Variants in RIMS2 observed in about 807,000 individuals in gnomAD.
RIMS2 encodes regulating synaptic membrane exocytosis protein 2.
Under a neutral mutation model 174.4 loss-of-function variants are expected in RIMS2, and 59 were observed. The observed-to-expected ratio is 0.34, with a 90% CI of 0.27 to 0.42. The LOEUF is 0.42. RIMS2 is among the 10% of genes least tolerant of loss of function. The pLI is 1.00. For missense variants in RIMS2, 1,620 were observed against 1,666.3 expected (o/e 0.97, Z 0.48); for synonymous variants, 606 against 572.5 (o/e 1.06, Z -0.84).
Position 104,166,127 on chromosome 8 carries a change from C to A in RIMS2, c.3335-78789C>A, listed in dbSNP as rs888843681. Among the ~76,000 whole-genome samples, 5 of 137,744 alleles carry A rather than the reference C, an allele frequency of 3.6e-5. No homozygotes were observed. In the South Asian group the frequency reaches 9.3e-4, roughly 26 times the overall value. 90.4% of individuals were successfully genotyped at this position (137,744 alleles called of 152,430 possible). ...TGTCGCCCAGGCTGGAGTGCAGTGG[C>A]GTGATCTCGGCTCACTGCAAGCTCC... is the stretch of plus-strand genomic sequence containing the variant. On this transcript the variant is annotated intron_variant, in intron 19 of 23. Transcript: ENST00000504942.
intron 1 of RIMS2, chr8:103,568,825 ATTC>A: frequency 8.8e-7 from 1 of 1,140,012 alleles, no homozygotes; most frequent in Admixed American, 1.7e-5. Flanking sequence ...AGCTGAGCAT[ATTC>A]TTCTGTAGGG....
At chr8:103,636,568 T>G (rs2096078259) in intron 1 of RIMS2, among the ~76,000 whole-genome samples, 1 of 152,114 alleles carries the variant, frequency 6.6e-6, no homozygotes, top group African/African-American at 2.4e-5. Flanking sequence ...GGGTCTGTGT[T>G]GCTCCCAGGT....
intron 17 of RIMS2, among the ~76,000 whole-genome samples, chr8:103,997,125 C>G (rs2095151903): frequency 6.6e-6 from 1 of 151,706 alleles, no homozygotes; most frequent in Non-Finnish European, 1.5e-5. Context: ...TGAAAGCAAA[C>G]TCTAGCAGAG....
intron 3 of RIMS2, among the ~76,000 whole-genome samples, chr8:103,865,146 A>G (rs1417033092): frequency 1.3e-5 from 2 of 151,778 alleles, no homozygotes; most frequent in African/African-American, 4.8e-5. Flanking sequence ...TTGTATTATA[A>G]TTTTATTTAT....
rs190069473 is a variant in RIMS2 at position 104,155,791 on chromosome 8, G to A, written c.3335-89125G>A. Among the ~76,000 whole-genome samples, 2 of 152,220 alleles carry A rather than the reference G, an allele frequency of 1.3e-5. 1 individual carries two copies. Among genetic ancestry groups the A allele is most frequent in the Admixed American group, 1.3e-4 (2 of 15,290 alleles). On this transcript the variant is annotated intron_variant, in intron 19 of 23. Transcript: ENST00000504942. Reference sequence around the variant, plus strand: ...AAAAGATTCTTGCGATGAAACTGTGGTTTGAAGATGATACCAAGTTTGCAA... The same window carrying A: ...AAAAGATTCTTGCGATGAAACTGTGATTTGAAGATGATACCAAGTTTGCAA...
At position 103,550,105 on chromosome 8, in the gene RIMS2, C is replaced by T. The variant is rs549639806; in HGVS notation, c.176+49043C>T. 1.6e-3 allele frequency among the ~76,000 whole-genome samples: 238 copies of T among 152,276 alleles called. 2 individuals carry two copies. The highest frequency in any genetic ancestry group is 5.2e-3 in the African/African-American group (216 of 41,568). On this transcript the variant is annotated intron_variant, in intron 1 of 23. Coordinates refer to ENST00000504942, the Ensembl canonical transcript of RIMS2. ...TGAACTCAGCTCTGCACCAAGCAGA[C>T]CTAATAGACATCTACAGCACTCTCC...
intron 2 of RIMS2, among the ~76,000 whole-genome samples, chr8:103,714,997 G>A (rs2097351437): frequency 6.6e-6 from 1 of 152,054 alleles, no homozygotes. Context: ...AGTTACCACT[G>A]GAGTTTCCAG....
At chr8:104,101,733 C>T (rs1338470030) in intron 19 of RIMS2, among the ~76,000 whole-genome samples, 1 of 152,078 alleles carries the variant, frequency 6.6e-6, no homozygotes, top group Non-Finnish European at 1.5e-5. Context: ...TTTTCTACTT[C>T]TATTTTATTA....
intron 17 of RIMS2, among the ~76,000 whole-genome samples, chr8:103,991,693 A>G (rs1350942045): frequency 6.6e-6 from 1 of 152,180 alleles, no homozygotes; most frequent in Non-Finnish European, 1.5e-5. Flanking sequence ...TGTCAGTAAG[A>G]ATTGATGCAC....
chr8:104,044,381 A>G (rs549619955), intron 19 of RIMS2, among the ~76,000 whole-genome samples: 3 of 151,726 alleles, frequency 2.0e-5, no homozygotes, highest in Admixed American at 6.6e-5. Context: ...ATTTAAGCTT[A>G]GAGGGGGAAG....
At chr8:103,676,706 G>A (rs1435795528) in intron 1 of RIMS2, among the ~76,000 whole-genome samples, 1 of 152,066 alleles carries the variant, frequency 6.6e-6, no homozygotes, top group Non-Finnish European at 1.5e-5. Context: ...TCCTTGGCTG[G>A]GCATGGTGGC....
At chr8:104,038,543 A>G (rs2096556758) in intron 19 of RIMS2, among the ~76,000 whole-genome samples, 1 of 151,948 alleles carries the variant, frequency 6.6e-6, no homozygotes, top group Non-Finnish European at 1.5e-5. Context: ...ACTGCACTAA[A>G]AAGTAGAATA....
chr8:104,065,141 T>C (rs901267850), intron 19 of RIMS2, among the ~76,000 whole-genome samples: 3 of 152,114 alleles, frequency 2.0e-5, no homozygotes, highest in Non-Finnish European at 4.4e-5. Flanking sequence ...GTGGTTATTC[T>C]TTATTGCAGG....
At chr8:104,198,913 C>A (rs2099039353) in intron 19 of RIMS2, among the ~76,000 whole-genome samples, 6 of 152,250 alleles carry the variant, frequency 3.9e-5, no homozygotes, top group South Asian at 4.1e-4. Context: ...TTTTACATGG[C>A]AGGGGAACTT....
chr8:103,668,661 T>G (rs967102137), intron 1 of RIMS2, among the ~76,000 whole-genome samples: 3 of 151,380 alleles, frequency 2.0e-5, no homozygotes, highest in African/African-American at 7.3e-5. Context: ...ACGATTTATT[T>G]ATTTATTTAT....
At chr8:103,695,735 GT>G (rs1564319103) in intron 1 of RIMS2, among the ~76,000 whole-genome samples, 5 of 149,684 alleles carry the variant, frequency 3.3e-5, no homozygotes, top group Admixed American at 6.6e-5. Context: ...GTTTTTTTTT[GT>G]TTGTTTGTTT....
intron 19 of RIMS2, among the ~76,000 whole-genome samples, chr8:104,197,376 C>G (rs1488773141): frequency 6.6e-6 from 1 of 151,728 alleles, no homozygotes; most frequent in Non-Finnish European, 1.5e-5. Context: ...GGGGTTTCAC[C>G]ATGTTGGCCA....
chr8:103,626,520 G>A (rs2095790711), intron 1 of RIMS2, among the ~76,000 whole-genome samples: 1 of 152,126 alleles, frequency 6.6e-6, no homozygotes, highest in South Asian at 2.1e-4. Flanking sequence ...CTACAAACAA[G>A]TTAAAATTAT....
chr8:103,505,052 C>G (rs1212408129), intron 1 of RIMS2, among the ~76,000 whole-genome samples: 1 of 151,680 alleles, frequency 6.6e-6, no homozygotes, highest in Non-Finnish European at 1.5e-5. Context: ...TGAGGTCTCC[C>G]TATGTTGCCC....
Sources: allele counts gnomAD v4.1 joint callset (sites outside exome capture counted in the v4.1 genomes callset), GRCh38; gene constraint gnomAD v4.1.1; transcripts MANE v1.5; gene names NCBI Gene and HGNC (gene_info 2026-07-23, HGNC 2026-07-21).